SP3: variants seen among roughly 807,000 people sequenced by gnomAD.
SP3 encodes the protein transcription factor Sp3.
A neutral mutation model predicts 70.3 loss-of-function variants in SP3; 10 were observed. That is an observed-to-expected ratio of 0.14 (90% CI 0.09 to 0.24). The LOEUF (loss-of-function observed/expected upper bound fraction) is 0.24, where lower values mean the gene tolerates loss of function less well. Among genes scored for constraint, SP3 ranks in the 10% least tolerant of loss-of-function variants. The probability of loss-of-function intolerance (pLI) is 1.00; values close to 1 mark genes in which losing one functional copy is unlikely to be tolerated. For synonymous variants in SP3, 402 were observed against 333.5 expected (o/e 1.21, Z -2.24); for missense variants, 825 against 914.6 (o/e 0.90, Z 1.26).
At chr2:173,941,040 A>G (rs1056219862) in intron 4 of SP3, among the ~76,000 whole-genome samples, 2 of 150,762 alleles carry the variant, frequency 1.3e-5, no homozygotes, top group Admixed American at 1.3e-4. Context: ...TCTATCATTA[A>G]TTTGTGGCGA....
In SP3 at chr2:173,901,590, T is replaced by C. The variant is rs2105444970; in HGVS notation, c.*8351A>G. ...GAATATAGAAAAATTAGAATTAAAG[T>C]CATGAGTTATCATTTCACATCCATC... On this transcript the variant is annotated 3_prime_UTR_variant, in exon 7 of 7. Transcript: ENST00000310015. Among the ~76,000 whole-genome samples the C allele has an allele frequency of 6.6e-6, 1 of 151,818 alleles. No individual in the cohort carries two copies. Among genetic ancestry groups the C allele is most frequent in the South Asian group, 2.1e-4 (1 of 4,818 alleles).
chr2:173,923,596 T>C (rs1337233859), intron 4 of SP3, among the ~76,000 whole-genome samples: 38 of 152,142 alleles, frequency 2.5e-4, no homozygotes, highest in Admixed American at 2.5e-3. Context: ...TTAATTTAAA[T>C]AGCTAACATT....
rs764391456 is a variant in SP3, at chr2:173,909,262, A to C, written c.*679T>G. 2.0e-5 allele frequency: 3 copies of C among 152,558 alleles called. No homozygotes were observed. Among genetic ancestry groups the C allele is most frequent in the African/African-American group, 7.2e-5 (3 of 41,456 alleles). 9.5% of individuals were successfully genotyped at this position (152,558 alleles called of 1,614,324 possible). A position where few individuals can be genotyped will look rare whatever the true frequency, so the allele number is the denominator to read the frequency against. On this transcript the variant is annotated 3_prime_UTR_variant, in exon 7 of 7. Coordinates refer to ENST00000310015, the MANE Select transcript of SP3 (RefSeq NM_003111.5). The stretch of plus-strand genomic sequence containing the variant: ...ATTGCCCAACTTCGTTATTGAAAGA[A>C]TATTAACAAGACATTATTTTGGCAA...
intron 2 of SP3, 62 bp downstream of exon 2, chr2:173,964,343 A>C (rs1192916462): frequency 1.2e-5 from 7 of 597,834 alleles, no homozygotes; most frequent in Non-Finnish European, 2.1e-5. Flanking sequence ...GGGAGGGGAG[A>C]GGCGAGGGGA....
In SP3 at chr2:173,936,756, A is replaced by T. The variant is rs114334843; in HGVS notation, c.1640-17971T>A. Among the ~76,000 whole-genome samples the T allele has an allele frequency of 5.3e-3, 800 of 152,080 alleles. 3 individuals carry two copies. The highest frequency in any genetic ancestry group is 0.018 in the African/African-American group (764 of 41,490). On this transcript the variant is annotated intron_variant, in intron 4 of 6. Transcript: ENST00000310015. ...ATTTAATAATACCTATTAATATCTT[A>T]CGAACCATTTTTGGAGAAACACTTT...
intron 4 of SP3, among the ~76,000 whole-genome samples, chr2:173,937,811 T>C (rs1690248469): frequency 6.6e-6 from 1 of 152,168 alleles, no homozygotes; most frequent in Non-Finnish European, 1.5e-5. Flanking sequence ...TTCTATTTCA[T>C]GTATAACCCA....
At chr2:173,949,012 TAA>T (rs1435002844) in intron 4 of SP3, among the ~76,000 whole-genome samples, 2 of 152,096 alleles carry the variant, frequency 1.3e-5, no homozygotes, top group Admixed American at 1.3e-4. Flanking sequence ...AGCAACAGTG[TAA>T]AAGTCTTACA....
rs574704851 is a variant in SP3, at chr2:173,903,461, C to A, written c.*6480G>T. On this transcript the variant is annotated 3_prime_UTR_variant, in exon 7 of 7. Coordinates refer to ENST00000310015, the MANE Select transcript of SP3 (RefSeq NM_003111.5). ...TATATTATGCTATGAAAGGTTTCAACTTTACTAAATGAATAAAGATGGAAA... is the reference window on the plus strand; with the variant it reads ...TATATTATGCTATGAAAGGTTTCAAATTTACTAAATGAATAAAGATGGAAA... Among the ~76,000 whole-genome samples the A allele has an allele frequency of 3.3e-5, 5 of 152,172 alleles. No homozygotes were observed. Among genetic ancestry groups the A allele is most frequent in the Non-Finnish European group, 5.9e-5 (4 of 68,026 alleles).
intron 4 of SP3, among the ~76,000 whole-genome samples, chr2:173,920,255 T>C (rs868397332): frequency 6.6e-6 from 1 of 152,108 alleles, no homozygotes; most frequent in Non-Finnish European, 1.5e-5. Flanking sequence ...AGATCAGTGG[T>C]TGCCAGGAAT....
chr2:173,942,439 G>A (rs1690400228), intron 4 of SP3, among the ~76,000 whole-genome samples: 1 of 152,172 alleles, frequency 6.6e-6, no homozygotes, highest in Non-Finnish European at 1.5e-5. Context: ...GGTGGCGCAT[G>A]CCTGTAATCC....
At chr2:173,943,012 G>A (rs963627551) in intron 4 of SP3, among the ~76,000 whole-genome samples, 1 of 152,110 alleles carries the variant, frequency 6.6e-6, no homozygotes, top group Non-Finnish European at 1.5e-5. Flanking sequence ...TACTACAAGA[G>A]ACTAGAGCAT....
At chr2:173,949,959 G>T (rs1213340060) in intron 4 of SP3, among the ~76,000 whole-genome samples, 1 of 152,114 alleles carries the variant, frequency 6.6e-6, no homozygotes, top group Non-Finnish European at 1.5e-5. Context: ...GGGAAATTTT[G>T]ACATTGGAAA....
At chr2:173,920,098 C>T (rs1401310739) in intron 4 of SP3, among the ~76,000 whole-genome samples, 5 of 152,004 alleles carry the variant, frequency 3.3e-5, no homozygotes, top group African/African-American at 9.7e-5. Flanking sequence ...CCCCGCACCC[C>T]CTATGTATTC....
upstream of SP3, chr2:173,965,383 G>A (rs1365376953): frequency 1.0e-5 from 6 of 585,456 alleles, no homozygotes; most frequent in Non-Finnish European, 1.8e-5. Context: ...CAGCCCGCCC[G>A]GAACTCCCGC....
intron 6 of SP3, among the ~76,000 whole-genome samples, chr2:173,911,531 C>T (rs1337107482): frequency 6.6e-6 from 1 of 152,158 alleles, no homozygotes; most frequent in East Asian, 1.9e-4. Context: ...TAGATGCAAG[C>T]TGTCAATCTA....
intron 4 of SP3, among the ~76,000 whole-genome samples, chr2:173,939,670 C>A (rs1258515608): frequency 7.0e-6 from 1 of 143,772 alleles, no homozygotes; most frequent in African/African-American, 2.6e-5. Context: ...GAGGCTGAGG[C>A]AGGAAGATCA....
At chr2:173,929,701 C>A (rs931948115) in intron 4 of SP3, among the ~76,000 whole-genome samples, 3 of 152,156 alleles carry the variant, frequency 2.0e-5, no homozygotes, top group Admixed American at 2.0e-4. Context: ...TAGGTTCTGC[C>A]TTCTGGAAGG....
At chr2:173,941,414 C>T (rs1690370200) in intron 4 of SP3, among the ~76,000 whole-genome samples, 1 of 152,170 alleles carries the variant, frequency 6.6e-6, no homozygotes, top group Admixed American at 6.6e-5. Flanking sequence ...TCGAGACCAG[C>T]CTGGTCAACG....
chr2:173,943,108 T>G (rs1337919696), intron 4 of SP3, among the ~76,000 whole-genome samples: 2 of 152,190 alleles, frequency 1.3e-5, no homozygotes, highest in African/African-American at 4.8e-5. Flanking sequence ...TATTGCTCCA[T>G]CAGCCTTATG....
Sources: allele counts gnomAD v4.1 joint callset (sites outside exome capture counted in the v4.1 genomes callset), GRCh38; gene constraint gnomAD v4.1.1; transcripts MANE v1.5; gene names NCBI Gene and HGNC (gene_info 2026-07-23, HGNC 2026-07-21).